CNTNAP2: variants seen among roughly 807,000 people sequenced by gnomAD.
CNTNAP2 encodes contactin associated protein 2.
In CNTNAP2, 98 loss-of-function variants were observed where a neutral mutation model predicts 155.2. That is an observed-to-expected ratio of 0.63 (90% CI 0.54 to 0.75). CNTNAP2 has a LOEUF of 0.75. Ranked by LOEUF, CNTNAP2 falls within the 30% of genes least tolerant of loss-of-function variation. The pLI is 0.00. For missense variants in CNTNAP2, 1,727 were observed against 1,688.1 expected (o/e 1.02, Z -0.40); for synonymous variants, 651 against 631.2 (o/e 1.03, Z -0.47).
At chr7:147,209,300 G>A (rs867011424) in intron 8 of CNTNAP2, among the ~76,000 whole-genome samples, 10 of 152,004 alleles carry the variant, frequency 6.6e-5, no homozygotes, top group South Asian at 2.1e-4. Flanking sequence ...TCCTGGTAGA[G>A]ATCTTTCACT....
In CNTNAP2 at chr7:147,964,351, G is replaced by A. The variant is rs574962533; in HGVS notation, c.2256-13511G>A. ...CTGAGCAGACTAATCCAACAGTCTC[G>A]AAGAATTAAATTTAGAATTGGTCAT... On this transcript the variant is annotated intron_variant, in intron 14 of 23. Transcript: ENST00000361727. 3.0e-4 allele frequency among the ~76,000 whole-genome samples: 46 copies of A among 152,232 alleles called. 2 individuals are homozygous for A. The South Asian group carries it at 8.3e-3, about 27-fold the overall frequency.
At chr7:147,492,695 A>G (rs1402343654) in intron 11 of CNTNAP2, among the ~76,000 whole-genome samples, 1 of 152,126 alleles carries the variant, frequency 6.6e-6, no homozygotes, top group Non-Finnish European at 1.5e-5. Context: ...CTGTCTCCAT[A>G]CTTTATAAAT....
At chr7:147,133,222 C>A (rs1264626876) in intron 8 of CNTNAP2, among the ~76,000 whole-genome samples, 1 of 151,950 alleles carries the variant, frequency 6.6e-6, no homozygotes, top group Non-Finnish European at 1.5e-5. Flanking sequence ...ATGTTATAAG[C>A]AAAGAAAAAT....
intron 21 of CNTNAP2, among the ~76,000 whole-genome samples, chr7:148,311,112 A>G (rs1160076856): frequency 1.3e-5 from 2 of 152,108 alleles, no homozygotes; most frequent in African/African-American, 4.8e-5. Context: ...TAGAGTTGAT[A>G]TAAGGAGAAA....
intron 9 of CNTNAP2, among the ~76,000 whole-genome samples, chr7:147,320,703 C>G (rs1324392200): frequency 6.6e-6 from 1 of 152,142 alleles, no homozygotes. Context: ...CATTGCTGGT[C>G]CATAGCAATT....
intron 14 of CNTNAP2, among the ~76,000 whole-genome samples, chr7:147,944,133 T>A (rs1006750509): frequency 6.6e-6 from 1 of 152,202 alleles, no homozygotes; most frequent in African/African-American, 2.4e-5. Context: ...TAATCGATCT[T>A]CTATTCAATG....
At chr7:147,857,572 T>G (rs1372797591) in intron 13 of CNTNAP2, among the ~76,000 whole-genome samples, 1 of 152,224 alleles carries the variant, frequency 6.6e-6, no homozygotes, top group Non-Finnish European at 1.5e-5. Flanking sequence ...TTTTGTAATG[T>G]CAGGATTTTC....
At chr7:146,118,325 C>A (rs1584757811) in intron 1 of CNTNAP2, among the ~76,000 whole-genome samples, 2 of 152,000 alleles carry the variant, frequency 1.3e-5, no homozygotes, top group East Asian at 3.9e-4. Context: ...TTTTTTATAA[C>A]ACAAGTTAAA....
intron 21 of CNTNAP2, among the ~76,000 whole-genome samples, chr7:148,316,825 T>C (rs540277087): frequency 2.6e-5 from 4 of 152,310 alleles, no homozygotes; most frequent in African/African-American, 9.6e-5. Flanking sequence ...CACCAGTGTA[T>C]ATATTATTAA....
chr7:147,727,457 C>G (rs1340599855), intron 13 of CNTNAP2, among the ~76,000 whole-genome samples: 4 of 152,018 alleles, frequency 2.6e-5, no homozygotes, highest in Non-Finnish European at 5.9e-5. Flanking sequence ...TAATTTTTAT[C>G]TGATTATTCC....
chr7:146,978,680 C>G (rs975497799), intron 3 of CNTNAP2, among the ~76,000 whole-genome samples: 1 of 150,982 alleles, frequency 6.6e-6, no homozygotes, highest in African/African-American at 2.4e-5. Flanking sequence ...AATATTTTGT[C>G]CAAATTTAGA....
intron 18 of CNTNAP2, among the ~76,000 whole-genome samples, chr7:148,204,619 A>C (rs1795417419): frequency 6.6e-6 from 1 of 152,226 alleles, no homozygotes; most frequent in African/African-American, 2.4e-5. Context: ...GGTAGAGAAA[A>C]ATAAAATTTT....
At chr7:146,828,499 G>T (rs1203013153) in intron 2 of CNTNAP2, among the ~76,000 whole-genome samples, 2 of 152,004 alleles carry the variant, frequency 1.3e-5, no homozygotes, top group Non-Finnish European at 2.9e-5. Context: ...GTAGTGAAGA[G>T]CTCATTACTT....
At position 147,596,596 on chromosome 7, in the gene CNTNAP2, C is replaced by T. The variant is rs553035736; in HGVS notation, c.1897+34339C>T. 9.8e-5 allele frequency among the ~76,000 whole-genome samples: 15 copies of T among 152,314 alleles called. No homozygotes were observed. The South Asian group carries it at 3.1e-3, about 32-fold the overall frequency. On this transcript the variant is annotated intron_variant, in intron 12 of 23. Transcript: ENST00000361727. ...TTGCTAACCTCAGCCTGAGCCCCAT[C>T]TCATTCATTCAGCCTTTTGTTTTTT...
chr7:147,273,073 C>G (rs1038494783), intron 8 of CNTNAP2, among the ~76,000 whole-genome samples: 12 of 152,038 alleles, frequency 7.9e-5, no homozygotes, highest in African/African-American at 2.9e-4. Flanking sequence ...TGCGGGGTTT[C>G]CACTGCTGCT....
intron 12 of CNTNAP2, among the ~76,000 whole-genome samples, chr7:147,627,844 A>T (rs1795015452): frequency 6.6e-6 from 1 of 151,792 alleles, no homozygotes; most frequent in South Asian, 2.1e-4. Flanking sequence ...TAGTGTGGGA[A>T]GTTTCAACAA....
At chr7:148,087,995 C>T (rs904134222) in intron 15 of CNTNAP2, among the ~76,000 whole-genome samples, 1 of 151,970 alleles carries the variant, frequency 6.6e-6, no homozygotes. Context: ...AAATATTTGA[C>T]CCTCTTCTTT....
At chr7:146,954,960 G>A (rs1797402784) in intron 3 of CNTNAP2, among the ~76,000 whole-genome samples, 2 of 151,834 alleles carry the variant, frequency 1.3e-5, no homozygotes, top group Non-Finnish European at 2.9e-5. Flanking sequence ...GAAAGAGAGA[G>A]GAAGTAGATG....
intron 13 of CNTNAP2, among the ~76,000 whole-genome samples, chr7:147,795,994 G>A (rs770569742): frequency 6.6e-6 from 1 of 152,072 alleles, no homozygotes; most frequent in African/African-American, 2.4e-5. Context: ...GATTTAACTA[G>A]ATCCACAATA....
Sources: allele counts gnomAD v4.1 joint callset (sites outside exome capture counted in the v4.1 genomes callset), GRCh38; gene constraint gnomAD v4.1.1; transcripts MANE v1.5; gene names NCBI Gene and HGNC (gene_info 2026-07-23, HGNC 2026-07-21).